Variants in TRPC4AP observed in about 807,000 individuals in gnomAD.
TRPC4AP encodes transient receptor potential cation channel subfamily C member 4 associated protein.
In TRPC4AP, 45 loss-of-function variants were observed where a neutral mutation model predicts 99.0. The ratio of observed to expected loss-of-function variants is 0.45; its 90% CI spans 0.36 to 0.58. The LOEUF (loss-of-function observed/expected upper bound fraction) is 0.58, where lower values mean the gene tolerates loss of function less well. Among genes scored for constraint, TRPC4AP ranks in the 20% least tolerant of loss-of-function variants. TRPC4AP has a pLI of 0.00. For missense variants in TRPC4AP, 879 were observed against 985.3 expected, an observed-to-expected ratio of 0.89 and a Z score of 1.44; for synonymous variants, 408 against 385.8, an observed-to-expected ratio of 1.06 and a Z score of -0.67.
chr20:35,010,874 C>T (rs1208076139), intron 11 of TRPC4AP, among the ~76,000 whole-genome samples: 2 of 152,224 alleles, frequency 1.3e-5, no homozygotes, highest in African/African-American at 4.8e-5. Flanking sequence ...AACACTTCCA[C>T]AGCTTCCCAC....
chr20:35,005,875 C>T lies in TRPC4AP; in HGVS notation c.1828-72G>A, dbSNP rs1279451144. ...TATGGCCATGGCCCGGGGGGATAGTCACTACAAGGGGCATCAGCGACCTCT... is the reference window on the plus strand; with the variant it reads ...TATGGCCATGGCCCGGGGGGATAGTTACTACAAGGGGCATCAGCGACCTCT... On this transcript the variant is annotated intron_variant, in intron 15 of 18. Transcript: ENST00000252015. 3.7e-6 allele frequency: 5 copies of T among 1,365,272 alleles called. No individual in the cohort carries two copies. The Admixed American group carries it at 8.5e-5, about 23-fold the overall frequency. 84.6% of individuals were successfully genotyped at this position (1,365,272 alleles called of 1,614,324 possible). A position where few individuals can be genotyped will look rare whatever the true frequency, so the allele number is the denominator to read the frequency against.
intron 7 of TRPC4AP, among the ~76,000 whole-genome samples, chr20:35,035,617 T>C (rs1232871994): frequency 1.3e-5 from 2 of 152,200 alleles, no homozygotes; most frequent in Non-Finnish European, 2.9e-5. Context: ...CATAACGAAA[T>C]AACCAGTCAT....
chr20:35,091,852 G>A (rs986154315), intron 1 of TRPC4AP, among the ~76,000 whole-genome samples: 2 of 152,142 alleles, frequency 1.3e-5, no homozygotes, highest in African/African-American at 4.8e-5. Flanking sequence ...TTAAAAGGTA[G>A]GTTACTAATT....
Position 35,002,433 on chromosome 20 carries a change from C to T in TRPC4AP, c.*713G>A. ...TTTTAAAATAAAGTTATTTAATAGT[C>T]TCCATTTAATTGGTTTATTTGCTGT... On this transcript the variant is annotated 3_prime_UTR_variant, in exon 19 of 19. Coordinates refer to ENST00000252015, the MANE Select transcript of TRPC4AP (RefSeq NM_015638.3). 1 of 407,962 alleles carries T rather than the reference C, an allele frequency of 2.5e-6. No homozygotes were observed. The allele number at this position is 407,962 out of a possible 1,614,324, so 25.3% of individuals were successfully genotyped here. A position where few individuals can be genotyped will look rare whatever the true frequency, so the allele number is the denominator to read the frequency against.
chr20:35,075,708 A>G (rs2084459197), intron 2 of TRPC4AP, among the ~76,000 whole-genome samples: 1 of 152,086 alleles, frequency 6.6e-6, no homozygotes, highest in Middle Eastern at 3.4e-3. Context: ...CTTAATTTCA[A>G]CTTTGGTGAA....
intron 17 of TRPC4AP, among the ~76,000 whole-genome samples, chr20:35,004,196 G>A (rs2082463884): frequency 6.6e-6 from 1 of 152,192 alleles, no homozygotes; most frequent in African/African-American, 2.4e-5. Context: ...AGGGCAGAAG[G>A]TGTGAGGGAC....
At chr20:35,037,346 C>CAAA (rs71196778) in intron 7 of TRPC4AP, among the ~76,000 whole-genome samples, 119 of 78,922 alleles carry the variant, frequency 1.5e-3, no homozygotes, top group African/African-American at 5.5e-3. Flanking sequence ...GACTCTGTCT[C>CAAA]AAAAAAAAAA....
At chr20:35,036,874 A>T (rs995933822) in intron 7 of TRPC4AP, among the ~76,000 whole-genome samples, 1 of 151,898 alleles carries the variant, frequency 6.6e-6, no homozygotes, top group Non-Finnish European at 1.5e-5. Flanking sequence ...TGAACCTGGG[A>T]TGCAGAGGTT....
intron 1 of TRPC4AP, among the ~76,000 whole-genome samples, chr20:35,089,395 G>GTTT (rs35461400): frequency 2.3e-5 from 3 of 130,302 alleles, no homozygotes; most frequent in African/African-American, 5.8e-5. Context: ...CCTGGTTAAT[G>GTTT]TTTTTTTTTT....
At chr20:35,069,893 A>G (rs563386332) in intron 2 of TRPC4AP, among the ~76,000 whole-genome samples, 18 of 152,288 alleles carry the variant, frequency 1.2e-4, no homozygotes, top group African/African-American at 4.3e-4. Flanking sequence ...GTGAGCCAAC[A>G]TAGAGCCACT....
intron 2 of TRPC4AP, among the ~76,000 whole-genome samples, chr20:35,070,882 C>T (rs2084293713): frequency 6.6e-6 from 1 of 152,122 alleles, no homozygotes; most frequent in Non-Finnish European, 1.5e-5. Flanking sequence ...GAAAAAAAAT[C>T]TTACAAGAAA....
chr20:35,060,585 CAAAAAAAAAA>C (rs35143678), intron 3 of TRPC4AP, among the ~76,000 whole-genome samples: 3 of 70,378 alleles, frequency 4.3e-5, no homozygotes, highest in African/African-American at 1.2e-4. Flanking sequence ...ACCTTGTCTC[CAAAAAAAAAA>C]AAAAAAAAAA....
chr20:35,035,910 G>A (rs2083306383), intron 7 of TRPC4AP, among the ~76,000 whole-genome samples: 1 of 152,152 alleles, frequency 6.6e-6, no homozygotes, highest in African/African-American at 2.4e-5. Flanking sequence ...AGGAATGAAA[G>A]CATATATACC....
In TRPC4AP at chr20:35,044,314, C is replaced by G. The variant is rs2083506304; in HGVS notation, c.865+191G>C. Among the ~76,000 whole-genome samples, 3 of 149,866 alleles carry G rather than the reference C, an allele frequency of 2.0e-5. No individual in the cohort carries two copies. The Admixed American group carries it at 2.0e-4, about 10-fold the overall frequency. On this transcript the variant is annotated intron_variant, in intron 7 of 18. Transcript: ENST00000252015. ...GCTGAGGTGGGAGGATCACCTGAGC[C>G]TGGGGAGGTCAAGGCTGCAGTGAGC...
chr20:35,003,159 A>G lies in TRPC4AP; in HGVS notation c.2381T>C (p.Phe794Ser). 1 of 1,614,168 alleles carries G rather than the reference A, an allele frequency of 6.2e-7. No homozygotes were observed. Among genetic ancestry groups the G allele is most frequent in the East Asian group, 2.2e-5 (1 of 44,884 alleles). ...EEPYMDIDRD[F>S]TEE is the part of the protein sequence containing the mutation. ...CCTGGCCCAAGGTCACTCCTCAGTG[A>G]AGTCCCTGTCTATGTCCATGTAGGG... The change falls in exon 19 of 19, where the codon TTC becomes TCC. Residue 794 changes from phenylalanine (F) to serine (S), a missense_variant. Transcript: ENST00000252015.
At chr20:35,085,205 T>C (rs138597638) in intron 1 of TRPC4AP, among the ~76,000 whole-genome samples, 9 of 152,364 alleles carry the variant, frequency 5.9e-5, no homozygotes, top group East Asian at 3.9e-4. Context: ...TGCTGTTTTT[T>C]TGTTACAAGC....
intron 9 of TRPC4AP, among the ~76,000 whole-genome samples, chr20:35,020,558 G>A (rs1600524804): frequency 6.6e-6 from 1 of 152,172 alleles, no homozygotes; most frequent in Non-Finnish European, 1.5e-5. Context: ...ACAGTCCAGT[G>A]TCTGACTCAG....
At chr20:35,054,368 C>T (rs536019447) in intron 5 of TRPC4AP, among the ~76,000 whole-genome samples, 25 of 152,274 alleles carry the variant, frequency 1.6e-4, no homozygotes, top group African/African-American at 6.0e-4. Flanking sequence ...TTCACATCTA[C>T]TATCTCATTT....
At chr20:35,007,514 G>T in intron 14 of TRPC4AP, 36 bp downstream of exon 14, 1 of 1,606,166 alleles carries the variant, frequency 6.2e-7, no homozygotes, top group Non-Finnish European at 8.5e-7. Flanking sequence ...GCTGGGGGGA[G>T]ACGGAACCCA....
Sources: gnomAD v4.1 joint callset for allele counts (sites outside exome capture counted in the v4.1 genomes callset) on GRCh38, gnomAD v4.1.1 for gene constraint, MANE v1.5 for transcripts, NCBI Gene and HGNC (gene_info 2026-07-23, HGNC 2026-07-21) for gene names.